Variants in AGAP1 observed in about 807,000 individuals in gnomAD.
AGAP1 encodes arf-GAP with GTPase, ANK repeat and PH domain-containing protein 1.
In AGAP1, 29 loss-of-function variants were observed where a neutral mutation model predicts 105.3. The observed-to-expected ratio is 0.28, with a 90% CI of 0.21 to 0.38. The LOEUF (loss-of-function observed/expected upper bound fraction) is 0.38, where lower values mean the gene tolerates loss of function less well. AGAP1 is among the 10% of genes least tolerant of loss of function. The probability of loss-of-function intolerance (pLI) is 1.00; values close to 1 mark genes in which losing one functional copy is unlikely to be tolerated. For synonymous variants in AGAP1, 509 were observed against 485.9 expected, an observed-to-expected ratio of 1.05 and a Z score of -0.63; for missense variants, 998 against 1,165.1, an observed-to-expected ratio of 0.86 and a Z score of 2.09.
Position 235,882,716 on chromosome 2 carries a change from C to G in AGAP1, c.1051-629C>G, listed in dbSNP as rs1435011197. On this transcript the variant is annotated intron_variant, in intron 9 of 17. Coordinates refer to ENST00000304032, the MANE Select transcript of AGAP1 (RefSeq NM_001037131.3). The surrounding 1 kb of genome is among the most constrained non-coding windows in gnomAD (Gnocchi z 4.6). The stretch of plus-strand genomic sequence containing the variant: ...CCTCAAACTCCTGACCTCAGGTGAT[C>G]TGCCCACCTCGGCCTCCCAAAGTTC... Among the ~76,000 whole-genome samples, 1 of 152,218 alleles carries G rather than the reference C, an allele frequency of 6.6e-6. No individual in the cohort carries two copies. Among genetic ancestry groups the G allele is most frequent in the Non-Finnish European group, 1.5e-5 (1 of 68,046 alleles).
Position 235,976,528 on chromosome 2 carries a change from T to TTTTG in AGAP1, c.1645+7921_1645+7924dup, listed in dbSNP as rs370976298. On this transcript the variant is annotated intron_variant, in intron 13 of 17. Transcript: ENST00000304032. The surrounding 1 kb of genome is among the most constrained non-coding windows in gnomAD (Gnocchi z 4.5). ...CACAGAAGGATGTTTGTAGTGTGGTTTTTGTTTGTTTGTTTGTTTTAATTT... is the reference window on the plus strand; with the variant it reads ...CACAGAAGGATGTTTGTAGTGTGGTTTTTGTTTGTTTGTTTGTTTGTTTTAATTT... 2.6e-5 allele frequency among the ~76,000 whole-genome samples: 4 copies of TTTTG among 152,314 alleles called. No individual in the cohort carries two copies. Among genetic ancestry groups the TTTTG allele is most frequent in the Non-Finnish European group, 4.4e-5 (3 of 68,032 alleles).
chr2:235,667,378 G>C (rs549539846), intron 1 of AGAP1, among the ~76,000 whole-genome samples: 1 of 152,106 alleles, frequency 6.6e-6, no homozygotes, highest in African/African-American at 2.4e-5. Flanking sequence ...CATTTGATTT[G>C]TGTGGAGTTC....
chr2:235,984,610 A>G (rs1186861945), intron 13 of AGAP1, among the ~76,000 whole-genome samples: 1 of 150,226 alleles, frequency 6.7e-6, no homozygotes, highest in Non-Finnish European at 1.5e-5. Flanking sequence ...CTCACCCCCG[A>G]CCCCCAAACA....
At position 235,962,623 on chromosome 2, in the gene AGAP1, G is replaced by A. The variant is rs1031819522; in HGVS notation, c.1484-5839G>A. 5.9e-5 allele frequency among the ~76,000 whole-genome samples: 9 copies of A among 152,058 alleles called. No individual in the cohort carries two copies. Among genetic ancestry groups the A allele is most frequent in the Non-Finnish European group, 1.2e-4 (8 of 68,008 alleles). On this transcript the variant is annotated intron_variant, in intron 12 of 17. Transcript: ENST00000304032. This position sits in a 1 kb window ranked among gnomAD's most constrained non-coding sequence, Gnocchi z 5.3. ...TGAGAGAGGGTGTCTGAGGTCCAGG[G>A]CAGAAGAGATTCATGAGGGTGGAGT...
At chr2:236,075,974 T>C (rs2058627148) in intron 16 of AGAP1, among the ~76,000 whole-genome samples, 1 of 152,174 alleles carries the variant, frequency 6.6e-6, no homozygotes, top group Non-Finnish European at 1.5e-5. Context: ...CGGGGCAGCG[T>C]GGGTCACCCA....
intron 9 of AGAP1, among the ~76,000 whole-genome samples, chr2:235,810,332 C>T (rs1040688750): frequency 3.9e-5 from 6 of 152,184 alleles, no homozygotes; most frequent in Admixed American, 2.0e-4. Context: ...TCTTAATGCT[C>T]AGCCCATGTG....
intron 6 of AGAP1, among the ~76,000 whole-genome samples, chr2:235,781,866 C>CGCTA: frequency 6.6e-6 from 1 of 151,986 alleles, no homozygotes; most frequent in East Asian, 1.9e-4. Context: ...TAATGGATGC[C>CGCTA]GCTAGTGTAT....
intron 11 of AGAP1, among the ~76,000 whole-genome samples, chr2:235,909,154 G>A (rs1424341782): frequency 1.3e-5 from 2 of 152,194 alleles, no homozygotes; most frequent in Non-Finnish European, 2.9e-5. Context: ...TTCCAGGGCT[G>A]CATAGTGGAA....
At position 235,550,296 on chromosome 2, in the gene AGAP1, A is replaced by G. The variant is rs1052845492; in HGVS notation, c.163+55447A>G. On this transcript the variant is annotated intron_variant, in intron 1 of 17. Coordinates refer to ENST00000304032, the MANE Select transcript of AGAP1 (RefSeq NM_001037131.3). This position sits in a 1 kb window ranked among gnomAD's most constrained non-coding sequence, Gnocchi z 4.6. Reference sequence around the variant, plus strand: ...GCACGTCCCCACGTTCATGCCCTGTACTAGGGTCCCCTCTGGCACTCTTTC... The same window carrying G: ...GCACGTCCCCACGTTCATGCCCTGTGCTAGGGTCCCCTCTGGCACTCTTTC... Among the ~76,000 whole-genome samples the G allele has an allele frequency of 2.0e-5, 3 of 152,160 alleles. No homozygotes were observed. The highest frequency in any genetic ancestry group is 2.0e-4 in the Admixed American group (3 of 15,270).
At chr2:235,922,463 A>G (rs948867005) in intron 11 of AGAP1, among the ~76,000 whole-genome samples, 2 of 152,154 alleles carry the variant, frequency 1.3e-5, no homozygotes, top group Non-Finnish European at 2.9e-5. Context: ...AATGCCAGCT[A>G]TTATTTTCCT....
chr2:236,059,046 G>A lies in AGAP1; in HGVS notation c.2114+9765G>A, dbSNP rs1393839818. Among the ~76,000 whole-genome samples, 8 of 151,926 alleles carry A rather than the reference G, an allele frequency of 5.3e-5. No homozygotes were observed. In the East Asian group the frequency reaches 1.5e-3, roughly 29 times the overall value. ...CTCTGACTCTTAAAAAATCAAAAAG[G>A]CCAGGTGCAGTGGCTCATACCTTAA... On this transcript the variant is annotated intron_variant, in intron 16 of 17. Coordinates refer to ENST00000304032, the MANE Select transcript of AGAP1 (RefSeq NM_001037131.3).
At chr2:235,917,469 G>C (rs988365029) in intron 11 of AGAP1, among the ~76,000 whole-genome samples, 3 of 151,746 alleles carry the variant, frequency 2.0e-5, no homozygotes, top group Non-Finnish European at 2.9e-5. Context: ...TTTCTCTCTC[G>C]TCCTCTTTCT....
rs902532265 is a variant in AGAP1 at position 235,732,354 on chromosome 2, T to C, written c.311-8609T>C. 6.6e-6 allele frequency among the ~76,000 whole-genome samples: 1 copy of C among 152,196 alleles called. No homozygotes were observed. Among genetic ancestry groups the C allele is most frequent in the Non-Finnish European group, 1.5e-5 (1 of 68,038 alleles). On this transcript the variant is annotated intron_variant, in intron 3 of 17. Transcript: ENST00000304032. This position sits in a 1 kb window ranked among gnomAD's most constrained non-coding sequence, Gnocchi z 4.8. ...CTTGTCTCTTCTGCTCCTTACTTTT[T>C]CTAATTTTATTCATCAGTTCCCCAA...
rs1347253537 is a variant in AGAP1, at chr2:235,559,393, G to T, written c.163+64544G>T. ...CAAGCCAGAGGCGTCTGTGATGAGC[G>T]CCTGCAGACGCTGGTGGGTGCTTGC... On this transcript the variant is annotated intron_variant, in intron 1 of 17. Coordinates refer to ENST00000304032, the MANE Select transcript of AGAP1 (RefSeq NM_001037131.3). The surrounding 1 kb of genome is among the most constrained non-coding windows in gnomAD (Gnocchi z 5.7). Among the ~76,000 whole-genome samples, 2 of 152,218 alleles carry T rather than the reference G, an allele frequency of 1.3e-5. No homozygotes were observed. The highest frequency in any genetic ancestry group is 2.9e-5 in the Non-Finnish European group (2 of 68,038).
intron 9 of AGAP1, among the ~76,000 whole-genome samples, chr2:235,836,463 CT>C (rs1960173577): frequency 6.6e-6 from 1 of 152,202 alleles, no homozygotes; most frequent in Non-Finnish European, 1.5e-5. Context: ...CTTTTGAAAG[CT>C]GCACTCGTGA....
At position 236,083,799 on chromosome 2, in the gene AGAP1, G is replaced by A. The variant is rs1457507101; in HGVS notation, c.2114+34518G>A. On this transcript the variant is annotated intron_variant, in intron 16 of 17. Coordinates refer to ENST00000304032, the MANE Select transcript of AGAP1 (RefSeq NM_001037131.3). This position sits in a 1 kb window ranked among gnomAD's most constrained non-coding sequence, Gnocchi z 5.3. ...GTTTTAGGAGCCACAATAAACCATCGCAGAGCAAGGAGTGCCTCTTCTGAG... is the reference window on the plus strand; with the variant it reads ...GTTTTAGGAGCCACAATAAACCATCACAGAGCAAGGAGTGCCTCTTCTGAG... 6.6e-6 allele frequency among the ~76,000 whole-genome samples: 1 copy of A among 151,956 alleles called. No homozygotes were observed. Among genetic ancestry groups the A allele is most frequent in the Admixed American group, 6.6e-5 (1 of 15,266 alleles).
At chr2:235,676,414 G>C (rs1226218790) in intron 1 of AGAP1, among the ~76,000 whole-genome samples, 3 of 152,196 alleles carry the variant, frequency 2.0e-5, no homozygotes, top group Non-Finnish European at 4.4e-5. Context: ...GAACTAATGA[G>C]AGAACTAGAA....
At chr2:235,838,279 C>G (rs1313948188) in intron 9 of AGAP1, among the ~76,000 whole-genome samples, 4 of 152,032 alleles carry the variant, frequency 2.6e-5, no homozygotes, top group Admixed American at 2.0e-4. Context: ...CAAGCCATCT[C>G]ACAAATGTAA....
At chr2:235,819,904 C>CTTTT (rs1179307250) in intron 9 of AGAP1, among the ~76,000 whole-genome samples, 2 of 130,262 alleles carry the variant, frequency 1.5e-5, no homozygotes, top group Non-Finnish European at 3.2e-5. Context: ...TTCTTTCTTT[C>CTTTT]TTTTTTTTTT....
Sources: gnomAD v4.1 joint callset for allele counts (sites outside exome capture counted in the v4.1 genomes callset) on GRCh38, gnomAD v4.1.1 for gene constraint, Gnocchi (gnomAD v3.1) non-coding constraint, MANE v1.5 for transcripts, NCBI Gene and HGNC (gene_info 2026-07-23, HGNC 2026-07-21) for gene names.